The following DYNAP variants were observed in gnomAD, a reference collection of about 807,000 sequenced individuals.
The protein encoded by DYNAP is dynactin-associated protein.
DYNAP carries 7 observed loss-of-function variants against 8.5 expected under a neutral mutation model. The ratio of observed to expected loss-of-function variants is 0.82; its 90% CI spans 0.47 to 1.54. DYNAP has a LOEUF of 1.54. Ranked by LOEUF, DYNAP falls within the 40% of genes most tolerant of loss-of-function variation. The pLI, the probability that DYNAP is intolerant of heterozygous loss-of-function variation, is 0.01. For missense variants in DYNAP, 256 were observed against 224.3 expected (o/e 1.14, Z -0.90); for synonymous variants, 77 against 77.9 (o/e 0.99, Z 0.06).
At chr18:54,578,495 T>C in the DYNAP span, among the ~76,000 whole-genome samples, 1 of 152,204 alleles carries the variant, frequency 6.6e-6, no homozygotes, top group African/African-American at 2.4e-5. Flanking sequence ...GTTTCAAATA[T>C]AAAGAGCAAT....
upstream of DYNAP, among the ~76,000 whole-genome samples, chr18:54,590,783 G>A (rs530301791): frequency 6.6e-6 from 1 of 152,262 alleles, no homozygotes; most frequent in Non-Finnish European, 1.5e-5. Context: ...AATTGCTTGA[G>A]CAACTGACCA....
At chr18:54,593,346 G>A (rs1911157283) in intron 1 of DYNAP, among the ~76,000 whole-genome samples, 1 of 152,186 alleles carries the variant, frequency 6.6e-6, no homozygotes, top group East Asian at 1.9e-4. Context: ...TCAACACAAA[G>A]ACAACTAGTG....
chr18:54,579,728 A>G, the DYNAP span, among the ~76,000 whole-genome samples: 6 of 152,340 alleles, frequency 3.9e-5, no homozygotes, highest in Admixed American at 1.3e-4. Flanking sequence ...GTTTTAGTTT[A>G]TGTGATCCTC....
At position 54,597,904 on chromosome 18, in the gene DYNAP, T is replaced by G; in HGVS notation, c.314T>G (p.Leu105Arg). The G allele has an allele frequency of 6.2e-7, 1 of 1,613,642 alleles. No individual in the cohort carries two copies. ...GTGATAATGACAGCAATTGGAGTAC[T>G]TATAATATGCTTGGTGAATAACAAA... The part of the protein sequence containing the change: ...ACVIMTAIGV[L>R]IICLVNNKGS... The change falls in exon 3 of 3, where the codon CTT (leucine) becomes CGT (arginine). Residue 105 changes from leucine (L) to arginine (R), a missense_variant. Leu to Arg is a moderately radical substitution (Grantham distance 102). Coordinates refer to ENST00000648945, the MANE Select transcript of DYNAP (RefSeq NM_173629.3).
At chr18:54,588,975 GA>G (rs371105132), upstream of DYNAP, among the ~76,000 whole-genome samples, 3,710 of 152,154 alleles carry the variant, frequency 0.024, 81 homozygotes, top group Admixed American at 0.074. Flanking sequence ...TTCTGTGTCT[GA>G]AAAAAGATGA....
chr18:54,597,159 C>T (rs1911327101), intron 2 of DYNAP, among the ~76,000 whole-genome samples: 1 of 151,806 alleles, frequency 6.6e-6, no homozygotes, highest in South Asian at 2.1e-4. Context: ...CTTTTGAAAA[C>T]TAGTGACTTT....
chr18:54,575,753 T>G, the DYNAP span, among the ~76,000 whole-genome samples: 22 of 152,020 alleles, frequency 1.4e-4, no homozygotes, highest in African/African-American at 5.1e-4. Context: ...TCTTTCTTTA[T>G]TTTTCATTTT....
At chr18:54,588,206 AT>A (rs11364471), upstream of DYNAP, among the ~76,000 whole-genome samples, 35,128 of 138,624 alleles carry the variant, frequency 0.25, 4,424 homozygotes, top group African/African-American at 0.41. Context: ...GTTGGGAATA[AT>A]TTTTTTTTTT....
upstream of DYNAP, among the ~76,000 whole-genome samples, chr18:54,585,093 A>G (rs940257604): frequency 6.6e-6 from 1 of 152,150 alleles, no homozygotes; most frequent in African/African-American, 2.4e-5. Flanking sequence ...GAGGACCATC[A>G]TATGTGGTCC....
chr18:54,591,221 A>C (rs1049137522), upstream of DYNAP: 2 of 1,611,508 alleles, frequency 1.2e-6, no homozygotes, highest in South Asian at 2.2e-5. Context: ...GCAGATATAA[A>C]GGGCAATGAA....
chr18:54,578,559 C>T, the DYNAP span, among the ~76,000 whole-genome samples: 9 of 152,042 alleles, frequency 5.9e-5, 1 homozygote, highest in Non-Finnish European at 1.3e-4. Context: ...ACTGGCAGCT[C>T]AAAAATGGAG....
At chr18:54,591,049 T>A, upstream of DYNAP, 1 of 626,340 alleles carries the variant, frequency 1.6e-6, no homozygotes, top group Non-Finnish European at 2.5e-6. Context: ...ACAAAAGCTT[T>A]CAGAGGAAGT....
upstream of DYNAP, among the ~76,000 whole-genome samples, chr18:54,587,363 G>A (rs1910915636): frequency 6.6e-6 from 1 of 152,098 alleles, no homozygotes; most frequent in African/African-American, 2.4e-5. Context: ...TCCAGCCTGG[G>A]CAACACAGCG....
upstream of DYNAP, among the ~76,000 whole-genome samples, chr18:54,586,688 G>A (rs116448112): frequency 3.6e-3 from 552 of 152,188 alleles, 5 homozygotes; most frequent in African/African-American, 0.012. Flanking sequence ...GACAAGAAAC[G>A]AATGGTTATC....
intron 1 of DYNAP, 134 bp from the exon 2 acceptor site, chr18:54,594,805 C>T: frequency 3.1e-6 from 3 of 959,486 alleles, no homozygotes; most frequent in Non-Finnish European, 4.4e-6. Context: ...ATTTTTTTAT[C>T]TTCAGGGGAT....
chr18:54,591,217 A>C (rs746873933), upstream of DYNAP: 43 of 1,611,758 alleles, frequency 2.7e-5, no homozygotes, highest in Non-Finnish European at 3.3e-5. Context: ...GGTTGCAGAT[A>C]TAAAGGGCAA....
At chr18:54,586,796 G>C (rs1334078350), upstream of DYNAP, among the ~76,000 whole-genome samples, 1 of 152,150 alleles carries the variant, frequency 6.6e-6, no homozygotes, top group African/African-American at 2.4e-5. Flanking sequence ...AATTCTTGTA[G>C]GTATTACAAA....
rs1911233433 is a variant in DYNAP at position 54,595,070 on chromosome 18, A to G, written c.189A>G (p.Ser63=). The G allele has an allele frequency of 1.2e-6, 2 of 1,612,432 alleles. No homozygotes were observed. The highest frequency in any genetic ancestry group is 1.7e-6 in the Non-Finnish European group (2 of 1,178,948). The part of the protein sequence containing the change: ...VCVNPGILAH[S]RCLQSESCNT... Reference sequence around the variant, plus strand: ...TGAACCCAGGAATCCTTGCACATTCAAGATGTCTACAGTCAGAATCCTGTA... The same window carrying G: ...TGAACCCAGGAATCCTTGCACATTCGAGATGTCTACAGTCAGAATCCTGTA... Residue 63 remains serine, a synonymous_variant, in exon 2 of 3, where the codon TCA becomes TCG. Coordinates refer to ENST00000648945, the MANE Select transcript of DYNAP (RefSeq NM_173629.3).
At chr18:54,578,507 A>T in the DYNAP span, among the ~76,000 whole-genome samples, 2 of 152,226 alleles carry the variant, frequency 1.3e-5, no homozygotes, top group Admixed American at 6.5e-5. Flanking sequence ...AAGAGCAATC[A>T]CTGATCAAAA....
Sources: allele counts gnomAD v4.1 joint callset (sites outside exome capture counted in the v4.1 genomes callset), GRCh38; gene constraint gnomAD v4.1.1; transcripts MANE v1.5; gene names NCBI Gene and HGNC (gene_info 2026-07-23, HGNC 2026-07-21).